The following IMMP1L variants were observed in gnomAD, a reference collection of about 807,000 sequenced individuals.
IMMP1L encodes the protein inner mitochondrial membrane peptidase subunit 1.
IMMP1L carries 24 observed loss-of-function variants against 21.8 expected under a neutral mutation model. The ratio of observed to expected loss-of-function variants is 1.10; its 90% confidence interval spans 0.80 to 1.55. The LOEUF is 1.55. Ranked by LOEUF, IMMP1L falls within the 40% of genes most tolerant of loss-of-function variation. The probability of loss-of-function intolerance (pLI) is 0.00; values close to 1 mark genes in which losing one functional copy is unlikely to be tolerated. For missense variants in IMMP1L, 195 were observed against 200.7 expected (o/e 0.97, Z 0.17); for synonymous variants, 46 against 62.8 (o/e 0.73, Z 1.26).
At chr11:31,494,049 G>A (rs1414459758) in intron 1 of IMMP1L, among the ~76,000 whole-genome samples, 1 of 152,202 alleles carries the variant, frequency 6.6e-6, no homozygotes, top group Non-Finnish European at 1.5e-5. Context: ...CCATTCCGGG[G>A]TCTGGAGGAC....
chr11:31,478,514 G>A (rs1418585398), intron 1 of IMMP1L, among the ~76,000 whole-genome samples: 1 of 152,144 alleles, frequency 6.6e-6, no homozygotes, highest in Middle Eastern at 3.2e-3. Flanking sequence ...TCATCTCCAA[G>A]AAACTAGAGG....
chr11:31,466,199 CTA>C (rs1954337795), intron 1 of IMMP1L, among the ~76,000 whole-genome samples: 1 of 151,958 alleles, frequency 6.6e-6, no homozygotes, highest in African/African-American at 2.4e-5. Flanking sequence ...CAAGTCAAAA[CTA>C]TAATCAGGTA....
intron 4 of IMMP1L, among the ~76,000 whole-genome samples, chr11:31,435,456 T>C (rs1953086700): frequency 1.3e-5 from 2 of 152,234 alleles, no homozygotes; most frequent in African/African-American, 4.8e-5. Context: ...TGCCATGATT[T>C]GACTTTTATT....
intron 1 of IMMP1L, among the ~76,000 whole-genome samples, chr11:31,465,000 A>G (rs191480293): frequency 7.9e-5 from 12 of 152,158 alleles, no homozygotes; most frequent in African/African-American, 2.9e-4. Flanking sequence ...GGAAGTAACT[A>G]TCCTGGTTAC....
chr11:31,479,665 G>A (rs911682621), intron 1 of IMMP1L, among the ~76,000 whole-genome samples: 3 of 151,916 alleles, frequency 2.0e-5, no homozygotes, highest in Non-Finnish European at 2.9e-5. Flanking sequence ...ATACAAAAGA[G>A]GGAAAGTATT....
chr11:31,436,287 A>T (rs1413744575), intron 4 of IMMP1L, among the ~76,000 whole-genome samples: 1 of 152,160 alleles, frequency 6.6e-6, no homozygotes, highest in Non-Finnish European at 1.5e-5. Context: ...CAGTACCTAA[A>T]CCAAAAGTGG....
At chr11:31,438,728 CTA>C (rs1277332106) in intron 4 of IMMP1L, among the ~76,000 whole-genome samples, 1 of 151,992 alleles carries the variant, frequency 6.6e-6, no homozygotes, top group East Asian at 1.9e-4. Flanking sequence ...TTCCTCCTCT[CTA>C]TTGGATTATT....
chr11:31,436,802 AGGAGCCT>A (rs1953138074), intron 4 of IMMP1L, among the ~76,000 whole-genome samples: 1 of 152,222 alleles, frequency 6.6e-6, no homozygotes, highest in Non-Finnish European at 1.5e-5. Flanking sequence ...ACATATGACC[AGGAGCCT>A]TTCATTTGAT....
chr11:31,498,989 C>A (rs1955535633), intron 1 of IMMP1L, among the ~76,000 whole-genome samples: 1 of 152,118 alleles, frequency 6.6e-6, no homozygotes. Flanking sequence ...TCAGTTTTAC[C>A]ATGTGTCTTT....
intron 1 of IMMP1L, among the ~76,000 whole-genome samples, chr11:31,476,276 T>A (rs1207911729): frequency 1.3e-5 from 2 of 152,106 alleles, no homozygotes; most frequent in Non-Finnish European, 2.9e-5. Context: ...TGCAGTTTAC[T>A]GGAAATATTG....
intron 3 of IMMP1L, among the ~76,000 whole-genome samples, chr11:31,456,948 C>G (rs1265428075): frequency 6.2e-4 from 1 of 1,608 alleles, no homozygotes; most frequent in Non-Finnish European, 1.2e-3. Flanking sequence ...CCAAGTGAAC[C>G]AAAAAAAGAA....
intron 1 of IMMP1L, chr11:31,469,900 T>A (rs1293822705): frequency 1.3e-5 from 2 of 152,074 alleles, no homozygotes; most frequent in African/African-American, 2.4e-5. Context: ...TACCTTTACA[T>A]AAGAAATAAT....
At position 31,463,367 on chromosome 11, in the gene IMMP1L, T is replaced by A. The variant is rs1005071466; in HGVS notation, c.-29-62A>T. 68 of 1,366,550 alleles carry A rather than the reference T, an allele frequency of 5.0e-5. No homozygotes were observed. In the African/African-American group the frequency reaches 7.6e-4, roughly 15 times the overall value. The allele number at this position is 1,366,550 out of a possible 1,614,324, so 84.7% of individuals were successfully genotyped here. On this transcript the variant is annotated intron_variant, in intron 1 of 5. Transcript: ENST00000532287. ...TATTTAAAAACACTTAAGAAATAAC[T>A]ATTGTAAAATATTTTACAATCACCC...
intron 4 of IMMP1L, among the ~76,000 whole-genome samples, chr11:31,438,711 T>C (rs1007939889): frequency 6.6e-6 from 1 of 152,194 alleles, no homozygotes; most frequent in Non-Finnish European, 1.5e-5. Flanking sequence ...TGTTTTTGTT[T>C]CCTTTTTTCC....
chr11:31,452,327 T>C (rs896578270), intron 4 of IMMP1L: 5 of 984,880 alleles, frequency 5.1e-6, no homozygotes, highest in Admixed American at 6.1e-5. Context: ...ATAAACATTA[T>C]GAGTGCTTTT....
At chr11:31,453,651 A>G (rs1953838534) in intron 4 of IMMP1L, among the ~76,000 whole-genome samples, 1 of 152,184 alleles carries the variant, frequency 6.6e-6, no homozygotes, top group Non-Finnish European at 1.5e-5. Context: ...TGATTAATGG[A>G]ACACATTTGC....
At chr11:31,448,151 A>T (rs1429430450) in intron 4 of IMMP1L, among the ~76,000 whole-genome samples, 2 of 152,166 alleles carry the variant, frequency 1.3e-5, no homozygotes, top group Admixed American at 1.3e-4. Context: ...TCTACTAAAA[A>T]TACAAAAATT....
At chr11:31,482,688 G>A (rs915585201) in intron 1 of IMMP1L, among the ~76,000 whole-genome samples, 7 of 151,866 alleles carry the variant, frequency 4.6e-5, no homozygotes, top group Non-Finnish European at 7.4e-5. Flanking sequence ...TGAAAAAGAT[G>A]GGGGGAAAAA....
rs953044070 is a variant in IMMP1L, at chr11:31,449,608, T to C, written c.321+6652A>G. On this transcript the variant is annotated intron_variant, in intron 4 of 5. Coordinates refer to ENST00000532287, the MANE Select transcript of IMMP1L (RefSeq NM_001304274.2). Reference sequence around the variant, plus strand: ...GTCCTTTCTGAAATGTAAAATTGTCTCTACTTCTTACATTTCTGCCAGTAA... The same window carrying C: ...GTCCTTTCTGAAATGTAAAATTGTCCCTACTTCTTACATTTCTGCCAGTAA... 5.9e-5 allele frequency among the ~76,000 whole-genome samples: 9 copies of C among 152,196 alleles called. No individual in the cohort carries two copies. In the East Asian group the frequency reaches 1.5e-3, roughly 26 times the overall value.
Sources: allele counts gnomAD v4.1 joint callset (sites outside exome capture counted in the v4.1 genomes callset), GRCh38; gene constraint gnomAD v4.1.1; transcripts MANE v1.5; gene names NCBI Gene and HGNC (gene_info 2026-07-23, HGNC 2026-07-21).